TBC1D4: variants seen among roughly 807,000 people sequenced by gnomAD.
TBC1D4 encodes TBC1 domain family member 4, also known as TBC (Tre-2, BUB2, CDC16) domain-containing protein.
A neutral mutation model predicts 142.5 loss-of-function variants in TBC1D4; 121 were observed. That is an observed-to-expected ratio of 0.85 (90% confidence interval 0.73 to 0.99). The LOEUF is 0.99. Ranked by LOEUF, TBC1D4 falls within the 50% of genes least tolerant of loss-of-function variation. The pLI, the probability that TBC1D4 is intolerant of heterozygous loss-of-function variation, is 0.00. For synonymous variants in TBC1D4, 630 were observed against 628.2 expected, an observed-to-expected ratio of 1.00 and a Z score of -0.04; for missense variants, 1,475 against 1,606.6, an observed-to-expected ratio of 0.92 and a Z score of 1.40.
chr13:75,289,146 G>C lies in TBC1D4; in HGVS notation c.3487-36C>G, dbSNP rs771641134. 8.7e-6 allele frequency: 14 copies of C among 1,610,184 alleles called. 1 individual carries two copies. The South Asian group carries it at 1.5e-4, about 18-fold the overall frequency. The stretch of plus-strand genomic sequence containing the variant: ...AGTATCATGGGTTAGGCTAGCCTTT[G>C]GTATGTATAACAAGATACAGCCTGT... On this transcript the variant is annotated intron_variant, in intron 19 of 20. Transcript: ENST00000377636.
At chr13:75,421,233 T>C (rs1369185793) in intron 1 of TBC1D4, among the ~76,000 whole-genome samples, 2 of 152,182 alleles carry the variant, frequency 1.3e-5, no homozygotes, top group African/African-American at 2.4e-5. Context: ...GTGACCATCG[T>C]CCTCACAAAG....
chr13:75,305,778 TC>T (rs1355883802), intron 15 of TBC1D4, among the ~76,000 whole-genome samples: 2 of 152,182 alleles, frequency 1.3e-5, no homozygotes, highest in Non-Finnish European at 2.9e-5. Context: ...AATTTAAAAT[TC>T]TTAAATATCA....
intron 1 of TBC1D4, among the ~76,000 whole-genome samples, chr13:75,406,406 C>A (rs1184903656): frequency 6.6e-6 from 1 of 152,194 alleles, no homozygotes; most frequent in East Asian, 1.9e-4. Context: ...GCATTGCAGG[C>A]CTTTGTTAAA....
At chr13:75,415,841 T>C (rs987373984) in intron 1 of TBC1D4, among the ~76,000 whole-genome samples, 3 of 152,212 alleles carry the variant, frequency 2.0e-5, no homozygotes, top group Non-Finnish European at 4.4e-5. Context: ...ATTCATGTTA[T>C]TTCTGGCAAC....
chr13:75,473,314 C>T (rs976003494), intron 1 of TBC1D4, among the ~76,000 whole-genome samples: 5 of 152,118 alleles, frequency 3.3e-5, no homozygotes, highest in African/African-American at 1.2e-4. Flanking sequence ...GTCCAAGTTA[C>T]ATAACCCATT....
intron 1 of TBC1D4, among the ~76,000 whole-genome samples, chr13:75,412,533 G>T (rs1235057114): frequency 1.3e-5 from 2 of 151,980 alleles, no homozygotes; most frequent in Non-Finnish European, 2.9e-5. Context: ...TCAAACTCCT[G>T]GGCTCAAGCA....
chr13:75,481,485 G>A lies in TBC1D4; in HGVS notation c.283C>T (p.Pro95Ser). 1 of 1,613,118 alleles carries A rather than the reference G, an allele frequency of 6.2e-7. No individual in the cohort carries two copies. Residue 95 changes from proline (P) to serine (S), a missense_variant, in exon 1 of 21, where the codon CCC becomes TCC. This residue lies in a region of TBC1D4 where 1,227 missense variants were observed against 1,267.7 expected (regional missense o/e 0.97). Coordinates refer to ENST00000377636, the MANE Select transcript of TBC1D4 (RefSeq NM_014832.5). Reference sequence around the variant, plus strand: ...CCCGAGGCCCCAGCGCCCGGCGCGGGGACGCAACGCAGGAAGGGCGCGCTG... The same window carrying A: ...CCCGAGGCCCCAGCGCCCGGCGCGGAGACGCAACGCAGGAAGGGCGCGCTG... Reference protein sequence around the residue: ...VLSAPFLRCVPAPGAGASGGT... With the variant: ...VLSAPFLRCVSAPGAGASGGT...
At chr13:75,456,092 G>T (rs1410679147) in intron 1 of TBC1D4, among the ~76,000 whole-genome samples, 1 of 151,736 alleles carries the variant, frequency 6.6e-6, no homozygotes, top group Non-Finnish European at 1.5e-5. Context: ...CAGCCCAGTA[G>T]CTAGGATTAT....
At chr13:75,413,589 G>A (rs1885777146) in intron 1 of TBC1D4, among the ~76,000 whole-genome samples, 1 of 152,130 alleles carries the variant, frequency 6.6e-6, no homozygotes, top group Non-Finnish European at 1.5e-5. Context: ...GCCCAGCAAA[G>A]CCAAAAGACA....
intron 6 of TBC1D4, 65 bp downstream of exon 6, chr13:75,341,431 G>A (rs1000804580): frequency 4.8e-6 from 7 of 1,467,640 alleles, no homozygotes; most frequent in Admixed American, 1.7e-5. Flanking sequence ...AAACAGGAAC[G>A]CATAAAAACA....
chr13:75,424,753 C>G (rs1886312697), intron 1 of TBC1D4, among the ~76,000 whole-genome samples: 1 of 152,152 alleles, frequency 6.6e-6, no homozygotes, highest in Non-Finnish European at 1.5e-5. Context: ...GTCAAGAACA[C>G]ATAATGGGAA....
intron 1 of TBC1D4, among the ~76,000 whole-genome samples, chr13:75,406,605 T>A (rs1028794): frequency 0.48 from 73,232 of 152,096 alleles, 20,987 homozygotes; most frequent in South Asian, 0.67. Flanking sequence ...AGTGTTGTCA[T>A]CGAGGGGGCC....
chr13:75,417,271 C>G (rs554651929), intron 1 of TBC1D4, among the ~76,000 whole-genome samples: 1 of 152,226 alleles, frequency 6.6e-6, no homozygotes, highest in East Asian at 1.9e-4. Context: ...CCTTCTACTT[C>G]CCAAATCTCC....
intron 4 of TBC1D4, among the ~76,000 whole-genome samples, chr13:75,355,799 G>C (rs1881995345): frequency 6.6e-6 from 1 of 152,170 alleles, no homozygotes; most frequent in Non-Finnish European, 1.5e-5. Context: ...CAATGTTATA[G>C]CAGTTAAGAA....
At position 75,289,054 on chromosome 13, in the gene TBC1D4, C is replaced by T. The variant is rs750006211; in HGVS notation, c.3543G>A (p.Val1181=). ...AAGATTCCTGAAGCTCATCCTGTAG[C>T]ACATGATATTCCACCTCATAGGCAT... ...QLHAYEVEYH[V]LQDELQESSY... Residue 1181 remains valine, a synonymous_variant, in exon 20 of 21, where the codon GTG becomes GTA. Transcript: ENST00000377636. The T allele has an allele frequency of 6.8e-6, 11 of 1,613,904 alleles. No homozygotes were observed. The highest frequency in any genetic ancestry group is 9.3e-6 in the Non-Finnish European group (11 of 1,179,890).
chr13:75,403,958 G>T (rs1885212929), intron 1 of TBC1D4, among the ~76,000 whole-genome samples: 1 of 152,000 alleles, frequency 6.6e-6, no homozygotes, highest in African/African-American at 2.4e-5. Context: ...TGATATAAAA[G>T]ATTATACACA....
intron 8 of TBC1D4, among the ~76,000 whole-genome samples, chr13:75,334,352 A>G (rs1463122695): frequency 6.6e-6 from 1 of 152,048 alleles, no homozygotes; most frequent in African/African-American, 2.4e-5. Context: ...TGCAGTACTG[A>G]AATTAGCCAT....
intron 14 of TBC1D4, 73 bp downstream of exon 14, chr13:75,309,869 G>T: frequency 6.8e-7 from 1 of 1,466,770 alleles, no homozygotes; most frequent in Non-Finnish European, 9.5e-7. Flanking sequence ...GTATGTATGG[G>T]GAGAGAAAGG....
intron 1 of TBC1D4, among the ~76,000 whole-genome samples, chr13:75,378,901 T>A (rs1244171914): frequency 6.6e-6 from 1 of 152,136 alleles, no homozygotes; most frequent in Admixed American, 6.5e-5. Context: ...ATTTCTACAA[T>A]ACCTTTCAAA....
Sources: gnomAD v4.1 joint callset for allele counts (sites outside exome capture counted in the v4.1 genomes callset) on GRCh38, gnomAD v4.1.1 for gene constraint, gnomAD v4.1.1 regional missense constraint, MANE v1.5 for transcripts, NCBI Gene and HGNC (gene_info 2026-07-23, HGNC 2026-07-21) for gene names.